The following RBMS3 variants were observed in gnomAD, a reference collection of about 807,000 sequenced individuals.
RBMS3 encodes RNA binding motif single stranded interacting protein 3.
A neutral mutation model predicts 66.8 loss-of-function variants in RBMS3; 27 were observed. The observed-to-expected ratio is 0.40, with a 90% confidence interval of 0.30 to 0.56. The LOEUF is 0.56. Among genes scored for constraint, RBMS3 ranks in the 20% least tolerant of loss-of-function variants. The pLI, the probability that RBMS3 is intolerant of heterozygous loss-of-function variation, is 0.40. For synonymous variants in RBMS3, 188 were observed against 183.0 expected, an observed-to-expected ratio of 1.03 and a Z score of -0.22; for missense variants, 513 against 549.5, an observed-to-expected ratio of 0.93 and a Z score of 0.66.
intron 12 of RBMS3, among the ~76,000 whole-genome samples, chr3:29,952,673 AT>A (rs1695763424): frequency 6.6e-6 from 1 of 151,872 alleles, no homozygotes; most frequent in African/African-American, 2.4e-5. Context: ...AATCAAGCTG[AT>A]ATAACTTCTA....
At chr3:29,738,050 CTAA>C (rs1316166969) in intron 4 of RBMS3, among the ~76,000 whole-genome samples, 2 of 152,028 alleles carry the variant, frequency 1.3e-5, no homozygotes, top group Non-Finnish European at 2.9e-5. Context: ...TAAAATGAAA[CTAA>C]TAATACATCA....
At chr3:29,669,830 C>T (rs962501986) in intron 4 of RBMS3, among the ~76,000 whole-genome samples, 6 of 152,080 alleles carry the variant, frequency 3.9e-5, no homozygotes, top group Admixed American at 3.3e-4. Context: ...CTTACTGGGG[C>T]GACTGCACAC....
intron 6 of RBMS3, among the ~76,000 whole-genome samples, chr3:29,769,116 T>C (rs1234380488): frequency 6.6e-6 from 1 of 151,818 alleles, no homozygotes; most frequent in Non-Finnish European, 1.5e-5. Flanking sequence ...CATAGTAGGG[T>C]TAATGAAGGT....
intron 1 of RBMS3, among the ~76,000 whole-genome samples, chr3:29,369,251 C>G (rs1471910666): frequency 1.3e-5 from 2 of 151,932 alleles, no homozygotes; most frequent in African/African-American, 4.8e-5. Flanking sequence ...ATCTTACAAC[C>G]AACCCCCATG....
chr3:29,288,976 G>A (rs989372250), intron 1 of RBMS3, among the ~76,000 whole-genome samples: 4 of 151,882 alleles, frequency 2.6e-5, no homozygotes, highest in Admixed American at 6.6e-5. Context: ...ATTAATGAAA[G>A]CAAATGACAT....
intron 2 of RBMS3, among the ~76,000 whole-genome samples, chr3:29,450,832 GGTTA>G (rs1381501036): frequency 1.3e-5 from 2 of 151,742 alleles, no homozygotes; most frequent in East Asian, 3.9e-4. Context: ...TGAAATCTGT[GGTTA>G]GTTTTTCAAA....
At chr3:29,829,040 TTC>T (rs1559714980) in intron 6 of RBMS3, among the ~76,000 whole-genome samples, 2 of 53,430 alleles carry the variant, frequency 3.7e-5, no homozygotes, top group African/African-American at 1.4e-4. Flanking sequence ...CTTTCTTTCT[TTC>T]TTTCTTTTGT....
chr3:29,564,212 C>G (rs74729043), intron 3 of RBMS3, among the ~76,000 whole-genome samples: 1 of 152,042 alleles, frequency 6.6e-6, no homozygotes, highest in African/African-American at 2.4e-5. Context: ...AGCAGGGGCT[C>G]ATGCCTGTAA....
At chr3:29,462,512 G>A (rs990902305) in intron 2 of RBMS3, among the ~76,000 whole-genome samples, 6 of 152,160 alleles carry the variant, frequency 3.9e-5, no homozygotes, top group Non-Finnish European at 2.9e-5. Flanking sequence ...CCTGGCTGTG[G>A]ACTTGGAGCT....
chr3:29,928,046 A>G (rs76408576), intron 10 of RBMS3, among the ~76,000 whole-genome samples: 34,206 of 151,684 alleles, frequency 0.23, 4,175 homozygotes, highest in East Asian at 0.5. Context: ...TGTCTTAAAA[A>G]GGACATTTCC....
intron 3 of RBMS3, among the ~76,000 whole-genome samples, chr3:29,518,379 A>G (rs1490867187): frequency 6.6e-6 from 1 of 152,200 alleles, no homozygotes; most frequent in Admixed American, 6.5e-5. Context: ...TAATGCTTCT[A>G]TTTCTTGTTT....
chr3:29,921,123 C>T (rs1035337710), intron 10 of RBMS3, among the ~76,000 whole-genome samples: 2 of 152,190 alleles, frequency 1.3e-5, no homozygotes, highest in African/African-American at 2.4e-5. Flanking sequence ...AGTGCAGTGG[C>T]GTGATCTCAG....
chr3:29,526,198 C>A (rs1349561170), intron 3 of RBMS3: 3 of 151,972 alleles, frequency 2.0e-5, no homozygotes, highest in African/African-American at 7.3e-5. Context: ...TTAATAAGAT[C>A]CCTTCTTGTT....
At chr3:29,920,168 G>T (rs1368422142) in intron 10 of RBMS3, among the ~76,000 whole-genome samples, 1 of 152,152 alleles carries the variant, frequency 6.6e-6, no homozygotes, top group African/African-American at 2.4e-5. Flanking sequence ...AATCAAACCA[G>T]ATCAAGAAAG....
intron 6 of RBMS3, among the ~76,000 whole-genome samples, chr3:29,769,446 C>T (rs1188102866): frequency 2.0e-5 from 3 of 151,844 alleles, no homozygotes; most frequent in East Asian, 1.9e-4. Flanking sequence ...TGGCTGAAGT[C>T]AAGTGAAAAA....
intron 1 of RBMS3, among the ~76,000 whole-genome samples, chr3:29,410,733 G>A (rs762654078): frequency 6.6e-6 from 1 of 152,182 alleles, no homozygotes; most frequent in Non-Finnish European, 1.5e-5. Flanking sequence ...AATGGAACAT[G>A]ATGAGCCCTC....
chr3:29,509,047 G>GTT (rs796296067), intron 3 of RBMS3, among the ~76,000 whole-genome samples: 1 of 145,188 alleles, frequency 6.9e-6, no homozygotes, highest in Admixed American at 6.8e-5. Context: ...GATGGGGTTG[G>GTT]TTTTTTTTTT....
At chr3:29,604,523 T>C (rs570887165) in intron 4 of RBMS3, among the ~76,000 whole-genome samples, 1 of 151,974 alleles carries the variant, frequency 6.6e-6, no homozygotes, top group Non-Finnish European at 1.5e-5. Context: ...TCTCGGATTT[T>C]TATTGAATGT....
chr3:29,912,478 A>G (rs2060540643), intron 10 of RBMS3, among the ~76,000 whole-genome samples: 1 of 152,112 alleles, frequency 6.6e-6, no homozygotes, highest in Non-Finnish European at 1.5e-5. Flanking sequence ...TGTTAAAAAC[A>G]ATTTAGGAAA....
Sources: allele counts gnomAD v4.1 joint callset (sites outside exome capture counted in the v4.1 genomes callset), GRCh38; gene constraint gnomAD v4.1.1; transcripts MANE v1.5; gene names NCBI Gene and HGNC (gene_info 2026-07-23, HGNC 2026-07-21).